Variants in NCOA3 observed in about 807,000 individuals in gnomAD.
NCOA3 encodes CBP-interacting protein.
NCOA3 carries 51 observed loss-of-function variants against 158.8 expected under a neutral mutation model. That is an observed-to-expected ratio of 0.32 (90% CI 0.26 to 0.41). The LOEUF (loss-of-function observed/expected upper bound fraction) is 0.41. Ranked by LOEUF, NCOA3 falls within the 10% of genes least tolerant of loss-of-function variation. The probability of loss-of-function intolerance (pLI) is 1.00; values close to 1 mark genes in which losing one functional copy is unlikely to be tolerated. For missense variants in NCOA3, 1,510 were observed against 1,746.6 expected (o/e 0.86, Z 2.41); for synonymous variants, 537 against 592.4 (o/e 0.91, Z 1.36).
intron 2 of NCOA3, among the ~76,000 whole-genome samples, chr20:47,621,814 T>A (rs2086245969): frequency 6.6e-6 from 1 of 151,892 alleles, no homozygotes; most frequent in Non-Finnish European, 1.5e-5. Flanking sequence ...CCACCATGGC[T>A]GGCTAATTTT....
intron 17 of NCOA3, among the ~76,000 whole-genome samples, chr20:47,644,993 G>A (rs760546887): frequency 1.3e-5 from 2 of 151,638 alleles, no homozygotes; most frequent in Non-Finnish European, 2.9e-5. Flanking sequence ...ACCGCGCCTG[G>A]CCAGGACTCC....
At chr20:47,565,722 A>G (rs1191528533) in intron 1 of NCOA3, among the ~76,000 whole-genome samples, 1 of 152,170 alleles carries the variant, frequency 6.6e-6, no homozygotes, top group East Asian at 1.9e-4. Context: ...ACCCTGTTCC[A>G]AAAAAGGAAG....
chr20:47,564,455 A>C (rs994656529), intron 1 of NCOA3, among the ~76,000 whole-genome samples: 1 of 152,208 alleles, frequency 6.6e-6, no homozygotes, highest in Non-Finnish European at 1.5e-5. Flanking sequence ...TATATTCAAC[A>C]AACAGAACAA....
At chr20:47,615,929 G>A (rs554745318) in intron 2 of NCOA3, among the ~76,000 whole-genome samples, 2 of 152,068 alleles carry the variant, frequency 1.3e-5, no homozygotes, top group African/African-American at 4.8e-5. Context: ...AGGCTGAGGC[G>A]GGTGGATCAC....
At chr20:47,580,274 T>G (rs1468372726) in intron 1 of NCOA3, among the ~76,000 whole-genome samples, 1 of 151,940 alleles carries the variant, frequency 6.6e-6, no homozygotes, top group African/African-American at 2.4e-5. Context: ...TGACTCAAAT[T>G]CCTTTCCTGG....
chr20:47,562,535 T>A (rs529997382), intron 1 of NCOA3, among the ~76,000 whole-genome samples: 1 of 151,242 alleles, frequency 6.6e-6, no homozygotes, highest in Non-Finnish European at 1.5e-5. Flanking sequence ...TCCATCTGTC[T>A]TGATTTTTTT....
intron 1 of NCOA3, among the ~76,000 whole-genome samples, chr20:47,538,985 A>G (rs2084679918): frequency 1.3e-5 from 2 of 152,350 alleles, no homozygotes; most frequent in South Asian, 2.1e-4. Context: ...ATTTAGAACA[A>G]AAACTTGGAT....
intron 1 of NCOA3, among the ~76,000 whole-genome samples, chr20:47,570,630 C>T (rs901142109): frequency 1.3e-5 from 2 of 152,112 alleles, no homozygotes; most frequent in East Asian, 1.9e-4. Flanking sequence ...CTTTCAGACT[C>T]CTATTTGTGT....
At chr20:47,597,272 G>A (rs928291485) in intron 2 of NCOA3, among the ~76,000 whole-genome samples, 43 of 152,146 alleles carry the variant, frequency 2.8e-4, no homozygotes, top group African/African-American at 1.0e-3. Flanking sequence ...CATGTGAATA[G>A]TATTCCCATT....
At chr20:47,644,861 C>CT (rs1038811607) in intron 17 of NCOA3, among the ~76,000 whole-genome samples, 1 of 151,826 alleles carries the variant, frequency 6.6e-6, no homozygotes, top group Non-Finnish European at 1.5e-5. Context: ...CCACGCCCGG[C>CT]TTTTTTTTGT....
At chr20:47,582,847 T>A (rs2085475379) in intron 1 of NCOA3, among the ~76,000 whole-genome samples, 1 of 152,164 alleles carries the variant, frequency 6.6e-6, no homozygotes, top group Non-Finnish European at 1.5e-5. Flanking sequence ...CTGGCTGGAG[T>A]GCAGTGGCAT....
At chr20:47,514,316 C>T (rs1477893132) in intron 1 of NCOA3, among the ~76,000 whole-genome samples, 2 of 151,922 alleles carry the variant, frequency 1.3e-5, no homozygotes, top group Non-Finnish European at 2.9e-5. Context: ...AAATTTTCTA[C>T]ATATCACAAC....
chr20:47,584,124 C>G (rs72662730), intron 2 of NCOA3, among the ~76,000 whole-genome samples: 1 of 151,954 alleles, frequency 6.6e-6, no homozygotes, highest in Admixed American at 6.6e-5. Context: ...GTAACACCCC[C>G]AGTTCTACAA....
intron 16 of NCOA3, 106 bp from the exon 17 acceptor site, chr20:47,642,107 G>A: frequency 1.2e-6 from 1 of 825,668 alleles, no homozygotes; most frequent in Non-Finnish European, 1.9e-6. Context: ...TGTGTTTGTA[G>A]CATTTGAGTT....
chr20:47,525,581 CTCCT>C (rs2084419340), intron 1 of NCOA3, among the ~76,000 whole-genome samples: 1 of 135,252 alleles, frequency 7.4e-6, no homozygotes, highest in Non-Finnish European at 1.6e-5. Flanking sequence ...CCCCACCTCC[CTCCT>C]GGACGGGGCG....
At chr20:47,515,472 C>CTTTTTTTTTTTTTTTTTTTTTTTT (rs111350575) in intron 1 of NCOA3, among the ~76,000 whole-genome samples, 1 of 130,048 alleles carries the variant, frequency 7.7e-6, no homozygotes. Flanking sequence ...TTCTTTCTTT[C>CTTTTTTTTTTTTTTTTTTTTTTTT]TTTTTTTTTT....
chr20:47,600,184 A>AT (rs1002131516), intron 2 of NCOA3, among the ~76,000 whole-genome samples: 6 of 124,178 alleles, frequency 4.8e-5, no homozygotes, highest in African/African-American at 1.6e-4. Context: ...TTTTATTTTT[A>AT]TTTTTTTTGA....
At chr20:47,582,567 A>G (rs1339453906) in intron 1 of NCOA3, among the ~76,000 whole-genome samples, 2 of 151,822 alleles carry the variant, frequency 1.3e-5, no homozygotes, top group African/African-American at 2.4e-5. Flanking sequence ...GTGTCTTGCT[A>G]TGTTGCTCAG....
intron 1 of NCOA3, among the ~76,000 whole-genome samples, chr20:47,553,000 CT>C (rs1395193849): frequency 4.0e-5 from 6 of 149,426 alleles, no homozygotes; most frequent in Non-Finnish European, 5.9e-5. Context: ...GTGGTACGAT[CT>C]TGGTTCACTG....
Sources: gnomAD v4.1 joint callset for allele counts (sites outside exome capture counted in the v4.1 genomes callset) on GRCh38, gnomAD v4.1.1 for gene constraint, MANE v1.5 for transcripts, NCBI Gene and HGNC (gene_info 2026-07-23, HGNC 2026-07-21) for gene names.